Variants in CEP43 observed in about 807,000 individuals in gnomAD.
The protein encoded by CEP43 is FGFR1 oncogene partner.
CEP43 carries 36 observed loss-of-function variants against 52.6 expected under a neutral mutation model. The ratio of observed to expected loss-of-function variants is 0.68; its 90% CI spans 0.52 to 0.90. CEP43 has a LOEUF of 0.90. CEP43 is among the 40% of genes least tolerant of loss of function. The pLI, the probability that CEP43 is intolerant of heterozygous loss-of-function variation, is 0.00. For missense variants in CEP43, 506 were observed against 472.8 expected, an observed-to-expected ratio of 1.07 and a Z score of -0.65; for synonymous variants, 192 against 172.4, an observed-to-expected ratio of 1.11 and a Z score of -0.89.
intron 12 of CEP43, among the ~76,000 whole-genome samples, chr6:167,035,719 A>C (rs968728406): frequency 1.3e-5 from 2 of 152,014 alleles, no homozygotes; most frequent in East Asian, 3.9e-4. Context: ...GGCGCCTGCC[A>C]CCACGCCCAG....
chr6:167,049,878 TTC>T lies in CEP43; in HGVS notation c.*9908_*9909del, dbSNP rs759746521. ...TCCACATCATCACGAATACTCCTTA[TTC>T]TCTCTCTTTTTAGATATAGACATTC... On this transcript the variant is annotated 3_prime_UTR_variant, in exon 13 of 13. Coordinates refer to ENST00000366847, the MANE Select transcript of CEP43 (RefSeq NM_007045.4). 1 of 152,242 alleles carries T rather than the reference TTC, an allele frequency of 6.6e-6. No individual in the cohort carries two copies. The highest frequency in any genetic ancestry group is 1.5e-5 in the Non-Finnish European group (1 of 68,036). 9.4% of individuals were successfully genotyped at this position (152,242 alleles called of 1,614,324 possible). A position where few individuals can be genotyped will look rare whatever the true frequency, so the allele number is the denominator to read the frequency against.
chr6:167,029,780 C>G (rs556500790), intron 10 of CEP43, among the ~76,000 whole-genome samples: 1 of 152,102 alleles, frequency 6.6e-6, no homozygotes, highest in African/African-American at 2.4e-5. Flanking sequence ...AGGCTGAGTC[C>G]GAAAAGAGAG....
At chr6:167,034,631 G>T (rs528091776) in intron 12 of CEP43, among the ~76,000 whole-genome samples, 1 of 152,154 alleles carries the variant, frequency 6.6e-6, no homozygotes, top group African/African-American at 2.4e-5. Context: ...AACATGGTGG[G>T]ATTCTCCAAG....
chr6:167,012,731 A>G (rs943151939), intron 6 of CEP43, among the ~76,000 whole-genome samples: 1 of 152,140 alleles, frequency 6.6e-6, no homozygotes, highest in African/African-American at 2.4e-5. Flanking sequence ...TATAATGAGA[A>G]TCTCAATGTT....
rs192725627 is a variant in CEP43, at chr6:167,017,620, G to C, written c.579+4053G>C. On this transcript the variant is annotated intron_variant, in intron 7 of 12. Coordinates refer to ENST00000366847, the MANE Select transcript of CEP43 (RefSeq NM_007045.4). ...TTTTTTCAGGTTCTTAAGTCAGTCT[G>C]ATACAATTCAGTTTTTGACTACTGA... Among the ~76,000 whole-genome samples, 678 of 149,304 alleles carry C rather than the reference G, an allele frequency of 4.5e-3. 4 individuals carry two copies. Among genetic ancestry groups the C allele is most frequent in the Non-Finnish European group, 7.0e-3 (473 of 67,486 alleles).
intron 7 of CEP43, 118 bp from the exon 8 acceptor site, chr6:167,022,288 ACAC>A: frequency 1.5e-6 from 1 of 660,364 alleles, no homozygotes; most frequent in Non-Finnish European, 2.6e-6. Flanking sequence ...ACACACACAC[ACAC>A]ACACAAAGGT....
rs12213683 is a variant in CEP43 at position 167,047,230 on chromosome 6, G to A, written c.*7252G>A. 58,326 of 152,086 alleles carry A rather than the reference G, an allele frequency of 0.38. 11,266 individuals carry two copies. Among genetic ancestry groups the A allele is most frequent in the Middle Eastern group, 0.45 (131 of 294 alleles). 9.4% of individuals were successfully genotyped at this position (152,086 alleles called of 1,614,324 possible). On this transcript the variant is annotated 3_prime_UTR_variant, in exon 13 of 13. Coordinates refer to ENST00000366847, the MANE Select transcript of CEP43 (RefSeq NM_007045.4). ...GCAGCCTTCATAGAATCACGAGGGA[G>A]GAGCACAGGCCACCCTAGACAGGAG... is the stretch of plus-strand genomic sequence containing the variant.
chr6:167,051,084 A>G lies in CEP43; in HGVS notation c.*11106A>G, dbSNP rs369866046. 3 of 152,302 alleles carry G rather than the reference A, an allele frequency of 2.0e-5. No homozygotes were observed. Among genetic ancestry groups the G allele is most frequent in the East Asian group, 3.9e-4 (2 of 5,190 alleles). The allele number at this position is 152,302 out of a possible 1,614,324, so 9.4% of individuals were successfully genotyped here. A position where few individuals can be genotyped will look rare whatever the true frequency, so the allele number is the denominator to read the frequency against. On this transcript the variant is annotated 3_prime_UTR_variant, in exon 13 of 13. Coordinates refer to ENST00000366847, the MANE Select transcript of CEP43 (RefSeq NM_007045.4). ...CTAAGTCAGCTTCTGGGTGGGGGCC[A>G]GAGGACCAGTTGAGCCAAGAATTCA...
chr6:167,039,988 A>G lies in CEP43; in HGVS notation c.*10A>G, dbSNP rs762258918. ...GGAAGATGTTGCATAGACACGAAGA[A>G]GGAAGTATTCTAATTAACAAGGACA... On this transcript the variant is annotated 3_prime_UTR_variant, in exon 13 of 13. Coordinates refer to ENST00000366847, the MANE Select transcript of CEP43 (RefSeq NM_007045.4). The G allele has an allele frequency of 1.9e-6, 3 of 1,613,866 alleles. No individual in the cohort carries two copies. The highest frequency in any genetic ancestry group is 1.7e-5 in the Admixed American group (1 of 59,978).
Position 167,042,013 on chromosome 6 carries a change from G to A in CEP43, c.*2035G>A. 2.2e-6 allele frequency: 1 copy of A among 456,318 alleles called. No homozygotes were observed. The highest frequency in any genetic ancestry group is 2.9e-6 in the Non-Finnish European group (1 of 341,728). The allele number at this position is 456,318 out of a possible 1,614,324, so 28.3% of individuals were successfully genotyped here. ...TAATTTTTGTATTTTTAGTAGAGAT[G>A]GGGTTTCACCATGTTGGTCAGGCTG... On this transcript the variant is annotated 3_prime_UTR_variant, in exon 13 of 13. Transcript: ENST00000366847.
At position 167,022,479 on chromosome 6, in the gene CEP43, T is replaced by G; in HGVS notation, c.650T>G (p.Leu217Arg). The G allele has an allele frequency of 6.2e-7, 1 of 1,614,124 alleles. No individual in the cohort carries two copies. Among genetic ancestry groups the G allele is most frequent in the Non-Finnish European group, 8.5e-7 (1 of 1,180,008 alleles). Residue 217 changes from leucine (L) to arginine (R), a missense_variant, in exon 8 of 13, where the codon CTT becomes CGT. Physicochemically the swap from Leu to Arg is moderately radical, Grantham distance 102 (BLOSUM62 -2). Transcript: ENST00000366847. ...SLSEPKSKSS[L>R]HLLSHETKIG... ...TCAGAACCCAAGAGCAAAAGCAGCCTTCACTTACTGTCCCATGAAACAAAA... is the reference window on the plus strand; with the variant it reads ...TCAGAACCCAAGAGCAAAAGCAGCCGTCACTTACTGTCCCATGAAACAAAA...
intron 8 of CEP43, among the ~76,000 whole-genome samples, chr6:167,023,315 T>TA (rs1780281787): frequency 6.6e-6 from 1 of 152,178 alleles, no homozygotes; most frequent in Non-Finnish European, 1.5e-5. Flanking sequence ...AGGTTGGTCT[T>TA]AGAGTTTCCA....
intron 7 of CEP43, among the ~76,000 whole-genome samples, chr6:167,017,082 G>A (rs1458715153): frequency 6.6e-6 from 1 of 150,790 alleles, no homozygotes; most frequent in Admixed American, 6.6e-5. Flanking sequence ...TGCAAGCTCC[G>A]CCTCCCGGGT....
chr6:167,022,961 G>T (rs929724687), intron 8 of CEP43, among the ~76,000 whole-genome samples: 2 of 152,154 alleles, frequency 1.3e-5, no homozygotes, highest in Admixed American at 6.5e-5. Context: ...GGCAATGAGG[G>T]TTATGCTGCA....
intron 10 of CEP43, 122 bp from the exon 11 acceptor site, chr6:167,032,481 T>C: frequency 1.3e-6 from 1 of 798,730 alleles, no homozygotes; most frequent in Non-Finnish European, 1.9e-6. Context: ...AAAATGTTAT[T>C]TCTAGTCTGG....
intron 12 of CEP43, among the ~76,000 whole-genome samples, chr6:167,038,426 T>G (rs1486187271): frequency 6.6e-6 from 1 of 152,338 alleles, no homozygotes; most frequent in South Asian, 2.1e-4. Flanking sequence ...AGGGATCGTT[T>G]CCAAATTATA....
At chr6:167,000,245 A>C in intron 2 of CEP43, 132 bp downstream of exon 2, 1 of 663,280 alleles carries the variant, frequency 1.5e-6, no homozygotes, top group South Asian at 2.2e-5. Context: ...GGATTACATT[A>C]CTATTGAGAG....
rs73035056 is a variant in CEP43 at position 167,044,522 on chromosome 6, G to C, written c.*4544G>C. Reference sequence around the variant, plus strand: ...TGTCCTCAGGTTCAAGGAAACCTGGGTGTGCACCGGGTGAATGAGAGTGGC... The same window carrying C: ...TGTCCTCAGGTTCAAGGAAACCTGGCTGTGCACCGGGTGAATGAGAGTGGC... On this transcript the variant is annotated 3_prime_UTR_variant, in exon 13 of 13. Transcript: ENST00000366847. 15,655 of 985,420 alleles carry C rather than the reference G, an allele frequency of 0.016. 178 individuals carry two copies. The highest frequency in any genetic ancestry group is 0.09 in the East Asian group (790 of 8,816). 61.0% of individuals were successfully genotyped at this position (985,420 alleles called of 1,614,324 possible). A position where few individuals can be genotyped will look rare whatever the true frequency, so the allele number is the denominator to read the frequency against.
intron 5 of CEP43, among the ~76,000 whole-genome samples, chr6:167,010,527 TA>T (rs1160092692): frequency 6.6e-6 from 1 of 152,160 alleles, no homozygotes; most frequent in Non-Finnish European, 1.5e-5. Context: ...AGTGAGGAAG[TA>T]AATCCTGGAA....
Sources: gnomAD v4.1 joint callset for allele counts (sites outside exome capture counted in the v4.1 genomes callset) on GRCh38, gnomAD v4.1.1 for gene constraint, MANE v1.5 for transcripts, NCBI Gene and HGNC (gene_info 2026-07-23, HGNC 2026-07-21) for gene names.